Variants in GPR176 observed in about 807,000 individuals in gnomAD.
GPR176 encodes the protein G protein-coupled receptor 176, also known as G-protein coupled receptor 176.
GPR176 carries 26 observed loss-of-function variants against 35.4 expected under a neutral mutation model. The ratio of observed to expected loss-of-function variants is 0.74; its 90% confidence interval spans 0.54 to 1.02. GPR176 has a LOEUF of 1.02. Ranked by LOEUF, GPR176 falls within the 50% of genes least tolerant of loss-of-function variation. The probability of loss-of-function intolerance (pLI) is 0.00; values close to 1 mark genes in which losing one functional copy is unlikely to be tolerated. For synonymous variants in GPR176, 278 were observed against 271.3 expected (o/e 1.02, Z -0.24); for missense variants, 597 against 665.3 (o/e 0.90, Z 1.13).
chr15:39,852,175 A>G (rs994198338), intron 1 of GPR176, among the ~76,000 whole-genome samples: 1 of 152,190 alleles, frequency 6.6e-6, no homozygotes, highest in Admixed American at 6.6e-5. Context: ...AGAAACAGGG[A>G]AAAAATCATG....
At chr15:39,829,165 TC>T in intron 1 of GPR176, 2 of 1,533,024 alleles carry the variant, frequency 1.3e-6, no homozygotes, top group Non-Finnish European at 1.7e-6. Flanking sequence ...GATCACTACG[TC>T]ACACTGCCTT....
intron 2 of GPR176, among the ~76,000 whole-genome samples, chr15:39,806,596 A>G (rs542287743): frequency 6.6e-6 from 1 of 152,242 alleles, no homozygotes; most frequent in African/African-American, 2.4e-5. Context: ...CGCTTGTTAA[A>G]TAACCACTGA....
chr15:39,854,978 G>A (rs2031115006), intron 1 of GPR176, among the ~76,000 whole-genome samples: 1 of 151,376 alleles, frequency 6.6e-6, no homozygotes, highest in African/African-American at 2.4e-5. Flanking sequence ...CTGAGCCAAG[G>A]AGTTCAAGGC....
chr15:39,894,007 G>A (rs1360499119), intron 1 of GPR176, among the ~76,000 whole-genome samples: 1 of 55,504 alleles, frequency 1.8e-5, no homozygotes, highest in African/African-American at 6.9e-5. Context: ...CTGGCAGAGG[G>A]GCTCCTCACT....
At chr15:39,838,704 T>G (rs28451465) in intron 1 of GPR176, among the ~76,000 whole-genome samples, 5,106 of 152,248 alleles carry the variant, frequency 0.034, 116 homozygotes, top group Non-Finnish European at 0.051. Context: ...GAGCTATTTA[T>G]GACAAACCCA....
intron 1 of GPR176, among the ~76,000 whole-genome samples, chr15:39,819,331 G>A (rs1595446679): frequency 6.6e-6 from 1 of 152,228 alleles, no homozygotes; most frequent in Non-Finnish European, 1.5e-5. Context: ...TAGGCTTCAT[G>A]GGTTATTTCT....
At chr15:39,849,037 G>C (rs1243360046) in intron 1 of GPR176, among the ~76,000 whole-genome samples, 1 of 151,812 alleles carries the variant, frequency 6.6e-6, no homozygotes, top group African/African-American at 2.4e-5. Context: ...TAAAGAACTG[G>C]TCCTTTGAAA....
chr15:39,850,661 A>C (rs1038220757), intron 1 of GPR176, among the ~76,000 whole-genome samples: 5 of 152,156 alleles, frequency 3.3e-5, no homozygotes, highest in Admixed American at 2.0e-4. Context: ...TGACCTATCA[A>C]TGTCAATATC....
At chr15:39,831,193 C>T (rs1034149712) in intron 1 of GPR176, among the ~76,000 whole-genome samples, 1 of 152,162 alleles carries the variant, frequency 6.6e-6, no homozygotes, top group Non-Finnish European at 1.5e-5. Flanking sequence ...CAAACCTCAG[C>T]AGATAAAGAA....
chr15:39,867,179 G>T (rs553261266), intron 1 of GPR176, among the ~76,000 whole-genome samples: 1 of 152,158 alleles, frequency 6.6e-6, no homozygotes, highest in South Asian at 2.1e-4. Context: ...AGTGCAAAAC[G>T]AATTTACAGG....
chr15:39,892,874 G>C (rs955430985), intron 1 of GPR176, among the ~76,000 whole-genome samples: 2 of 152,250 alleles, frequency 1.3e-5, no homozygotes, highest in African/African-American at 4.8e-5. Context: ...TTGGTTTGTA[G>C]GAGTTTGTTA....
At chr15:39,866,650 T>C (rs1330775983) in intron 1 of GPR176, among the ~76,000 whole-genome samples, 1 of 152,198 alleles carries the variant, frequency 6.6e-6, no homozygotes, top group Non-Finnish European at 1.5e-5. Context: ...AATATATGTA[T>C]AAAAGTACCA....
intron 1 of GPR176, among the ~76,000 whole-genome samples, chr15:39,840,354 C>T (rs1207490274): frequency 2.0e-5 from 3 of 152,090 alleles, no homozygotes; most frequent in Non-Finnish European, 4.4e-5. Flanking sequence ...AAGCTGGAAA[C>T]CATCATTCTG....
chr15:39,890,798 A>G (rs2032843751), intron 1 of GPR176, among the ~76,000 whole-genome samples: 1 of 152,166 alleles, frequency 6.6e-6, no homozygotes, highest in Non-Finnish European at 1.5e-5. Flanking sequence ...GGGCCTGGTA[A>G]TGGTAAGAAA....
At chr15:39,900,453 T>C (rs530871629) in intron 1 of GPR176, among the ~76,000 whole-genome samples, 1 of 152,310 alleles carries the variant, frequency 6.6e-6, no homozygotes, top group Non-Finnish European at 1.5e-5. Context: ...CTTGAAACAG[T>C]ACACAAATTA....
chr15:39,801,962 CCTT>C lies in GPR176; in HGVS notation c.715_717del (p.Lys239del), dbSNP rs753166028. On this transcript the variant is annotated inframe_deletion, in exon 3 of 3. Coordinates refer to ENST00000561100, the MANE Select transcript of GPR176 (RefSeq NM_007223.3). Reference sequence around the variant, plus strand: ...GGGGTCCGGAGCGCTGCTATGATGACCTTCTTCTTCTGGCTGGCACTCAGGGCC... The same window carrying C: ...GGGGTCCGGAGCGCTGCTATGATGACCTTCTTCTGGCTGGCACTCAGGGCC... 2.0e-5 allele frequency: 33 copies of C among 1,613,948 alleles called. No individual in the cohort carries two copies. The highest frequency in any genetic ancestry group is 2.7e-5 in the Non-Finnish European group (32 of 1,179,988).
intron 1 of GPR176, among the ~76,000 whole-genome samples, chr15:39,858,356 T>A (rs1595485958): frequency 6.6e-6 from 1 of 152,088 alleles, no homozygotes; most frequent in African/African-American, 2.4e-5. Flanking sequence ...TTGGCAGAAA[T>A]GAATACAAAA....
chr15:39,820,199 G>A (rs1900176745), intron 1 of GPR176, among the ~76,000 whole-genome samples: 2 of 152,170 alleles, frequency 1.3e-5, no homozygotes, highest in African/African-American at 4.8e-5. Flanking sequence ...GGAGCTGGGA[G>A]AGCCAGAATA....
chr15:39,892,781 G>A (rs1416138052), intron 1 of GPR176, among the ~76,000 whole-genome samples: 3 of 152,222 alleles, frequency 2.0e-5, no homozygotes, highest in Admixed American at 6.5e-5. Flanking sequence ...GCCTTCAGAA[G>A]GAACCAGCCC....
Sources: gnomAD v4.1 joint callset for allele counts (sites outside exome capture counted in the v4.1 genomes callset) on GRCh38, gnomAD v4.1.1 for gene constraint, MANE v1.5 for transcripts, NCBI Gene and HGNC (gene_info 2026-07-23, HGNC 2026-07-21) for gene names.